Variants in MRAS observed in about 807,000 individuals in gnomAD.
MRAS encodes muscle RAS oncogene homolog, also known as ras-related protein M-Ras.
In MRAS, 4 loss-of-function variants were observed where a neutral mutation model predicts 20.9. That is an observed-to-expected ratio of 0.19 (90% CI 0.09 to 0.44). MRAS has a LOEUF of 0.44. MRAS is among the 20% of genes least tolerant of loss of function. MRAS has a pLI of 0.99. For missense variants in MRAS, 154 were observed against 277.5 expected (o/e 0.56, Z 3.16); for synonymous variants, 98 against 102.9 (o/e 0.95, Z 0.29).
chr3:138,397,222 G>T, intron 2 of MRAS, 102 bp from the exon 3 acceptor site: 1 of 1,415,450 alleles, frequency 7.1e-7, no homozygotes, highest in Non-Finnish European at 9.6e-7. Context: ...CTCGGACTGG[G>T]CCACGGTAGG....
At chr3:138,395,079 C>G (rs2055207609) in intron 2 of MRAS, among the ~76,000 whole-genome samples, 2 of 151,692 alleles carry the variant, frequency 1.3e-5, no homozygotes, top group African/African-American at 4.8e-5. Flanking sequence ...TTGCTCTTAT[C>G]ACCCAGGCTG....
rs2055440725 is a variant in MRAS at position 138,405,506 on chromosome 3, C to T, written c.*3237C>T. 6.6e-6 allele frequency: 1 copy of T among 152,564 alleles called. No individual in the cohort carries two copies. Among genetic ancestry groups the T allele is most frequent in the South Asian group, 2.1e-4 (1 of 4,832 alleles). 9.5% of individuals were successfully genotyped at this position (152,564 alleles called of 1,614,324 possible). A position where few individuals can be genotyped will look rare whatever the true frequency, so the allele number is the denominator to read the frequency against. ...CTTTTTATTAAGTCTTTGTATCTCT[C>T]GACTGATTAATAAAGAAGAGAAACA... On this transcript the variant is annotated 3_prime_UTR_variant, in exon 6 of 6. Transcript: ENST00000423968.
At chr3:138,388,508 G>A (rs2055063855) in intron 2 of MRAS, among the ~76,000 whole-genome samples, 1 of 152,102 alleles carries the variant, frequency 6.6e-6, no homozygotes, top group South Asian at 2.1e-4. Flanking sequence ...AGACCAGCCT[G>A]GCTAATATGG....
intron 2 of MRAS, among the ~76,000 whole-genome samples, chr3:138,375,133 C>G (rs2054757234): frequency 2.0e-5 from 3 of 152,164 alleles, no homozygotes. Context: ...GCAATCCTTC[C>G]ATTTCAGCCT....
intron 1 of MRAS, among the ~76,000 whole-genome samples, chr3:138,359,067 T>C (rs887535434): frequency 6.6e-6 from 1 of 152,072 alleles, no homozygotes. Context: ...AGCAGAGGGG[T>C]GGGAAGCTTC....
intron 2 of MRAS, among the ~76,000 whole-genome samples, chr3:138,377,421 A>G (rs1237369424): frequency 1.3e-5 from 2 of 152,216 alleles, no homozygotes; most frequent in Non-Finnish European, 2.9e-5. Flanking sequence ...CCTGACCAAC[A>G]TAGTGAAACC....
upstream of MRAS, chr3:138,347,862 G>A (rs1294673967): frequency 1.3e-5 from 2 of 152,306 alleles, no homozygotes; most frequent in East Asian, 3.8e-4. Flanking sequence ...CAAAGTGTTA[G>A]GATTACAGGC....
At chr3:138,394,429 T>TG (rs2055193116) in intron 2 of MRAS, among the ~76,000 whole-genome samples, 2 of 152,284 alleles carry the variant, frequency 1.3e-5, no homozygotes, top group African/African-American at 2.4e-5. Flanking sequence ...TGTGCAGCAA[T>TG]GAAGGGCTGT....
chr3:138,371,496 G>C (rs2054673040), intron 1 of MRAS, among the ~76,000 whole-genome samples: 1 of 152,190 alleles, frequency 6.6e-6, no homozygotes, highest in South Asian at 2.1e-4. Context: ...AGGGCACCCA[G>C]TTCTTTGTCC....
chr3:138,378,824 C>G (rs1010235923), intron 2 of MRAS, among the ~76,000 whole-genome samples: 7 of 152,174 alleles, frequency 4.6e-5, no homozygotes, highest in Non-Finnish European at 1.0e-4. Context: ...TCTCCAGAAC[C>G]TTTTCACCTT....
intron 2 of MRAS, among the ~76,000 whole-genome samples, chr3:138,379,130 T>C (rs996403886): frequency 6.6e-6 from 1 of 152,038 alleles, no homozygotes; most frequent in African/African-American, 2.4e-5. Context: ...ACTTATTCCT[T>C]CTCTTTGTAT....
At chr3:138,361,550 G>T (rs2054447629) in intron 1 of MRAS, among the ~76,000 whole-genome samples, 1 of 152,206 alleles carries the variant, frequency 6.6e-6, no homozygotes, top group Non-Finnish European at 1.5e-5. Flanking sequence ...GGGCAAAGGG[G>T]CCCACCCTTG....
chr3:138,397,362 C>A lies in MRAS; in HGVS notation c.232C>A (p.Arg78=), dbSNP rs752073267. 6.8e-6 allele frequency: 11 copies of A among 1,614,074 alleles called. No individual in the cohort carries two copies. The highest frequency in any genetic ancestry group is 9.3e-6 in the Non-Finnish European group (11 of 1,179,976). The change falls in exon 3 of 6, where the codon CGG becomes AGG. Residue 78 remains arginine, a synonymous_variant. Coordinates refer to ENST00000423968, the MANE Select transcript of MRAS (RefSeq NM_001085049.3). ...TGGGCAGGAGGAATTCAGCGCCATG[C>A]GGGAGCAATACATGCGCACGGGGGA... ...TAGQEEFSAM[R]EQYMRTGDGF...
intron 2 of MRAS, among the ~76,000 whole-genome samples, chr3:138,382,562 T>TGCC (rs2054926967): frequency 6.6e-6 from 1 of 152,200 alleles, no homozygotes; most frequent in African/African-American, 2.4e-5. Flanking sequence ...CTGCTGCTGC[T>TGCC]GCCCTGCACC....
At position 138,397,126 on chromosome 3, in the gene MRAS, T is replaced by C. The variant is rs527682612; in HGVS notation, c.194-198T>C. On this transcript the variant is annotated intron_variant, in intron 2 of 5. Coordinates refer to ENST00000423968, the MANE Select transcript of MRAS (RefSeq NM_001085049.3). ...TCCACAGTGAGTCAGAGCCTCACCC[T>C]GAAGCGGCTTTAAGGTTGGGGAGCT... Among the ~76,000 whole-genome samples the C allele has an allele frequency of 2.1e-4, 32 of 152,290 alleles. No homozygotes were observed. The East Asian group carries it at 2.7e-3, about 13-fold the overall frequency.
intron 1 of MRAS, among the ~76,000 whole-genome samples, chr3:138,372,474 AAG>A (rs1205435741): frequency 6.6e-6 from 1 of 152,170 alleles, no homozygotes; most frequent in East Asian, 1.9e-4. Flanking sequence ...CCCAGTTAAT[AAG>A]AGGGGATGTG....
intron 1 of MRAS, among the ~76,000 whole-genome samples, chr3:138,356,867 C>G (rs892765632): frequency 6.6e-6 from 1 of 152,224 alleles, no homozygotes; most frequent in Admixed American, 6.5e-5. Context: ...GCATCATAGC[C>G]TTCCCATCCA....
intron 2 of MRAS, among the ~76,000 whole-genome samples, chr3:138,377,160 G>A (rs1407121313): frequency 1.3e-5 from 2 of 152,212 alleles, no homozygotes; most frequent in Non-Finnish European, 2.9e-5. Context: ...GCTCTCCATG[G>A]CATTACTTTA....
intron 1 of MRAS, among the ~76,000 whole-genome samples, chr3:138,362,069 G>T (rs2054459747): frequency 6.6e-6 from 1 of 152,164 alleles, no homozygotes; most frequent in South Asian, 2.1e-4. Context: ...TGGGCAGGGG[G>T]CACTGTGAGG....
Sources: gnomAD v4.1 joint callset for allele counts (sites outside exome capture counted in the v4.1 genomes callset) on GRCh38, gnomAD v4.1.1 for gene constraint, MANE v1.5 for transcripts, NCBI Gene and HGNC (gene_info 2026-07-23, HGNC 2026-07-21) for gene names.